PRELID2: variants seen among roughly 807,000 people sequenced by gnomAD.
The protein encoded by PRELID2 is PRELI domain-containing protein 2.
PRELID2 carries 25 observed loss-of-function variants against 28.4 expected under a neutral mutation model. That is an observed-to-expected ratio of 0.88 (90% CI 0.64 to 1.23). The LOEUF is 1.23. PRELID2 is among the 50% of genes most tolerant of loss of function. The pLI is 0.00. For missense variants in PRELID2, 201 were observed against 214.4 expected (o/e 0.94, Z 0.39); for synonymous variants, 76 against 71.6 (o/e 1.06, Z -0.31).
chr5:145,283,845 T>C, the PRELID2 span, among the ~76,000 whole-genome samples: 4 of 152,224 alleles, frequency 2.6e-5, no homozygotes, highest in Non-Finnish European at 5.9e-5. Flanking sequence ...AAATTAATTA[T>C]GTATGTTCAG....
intron 1 of PRELID2, among the ~76,000 whole-genome samples, chr5:145,534,079 T>G (rs992476809): frequency 1.3e-5 from 2 of 152,164 alleles, no homozygotes; most frequent in Non-Finnish European, 2.9e-5. Context: ...AAGTCTTTAT[T>G]GTAGTAAAAG....
chr5:145,624,070 A>G (rs1467998610), intron 1 of PRELID2, among the ~76,000 whole-genome samples: 1 of 152,150 alleles, frequency 6.6e-6, no homozygotes, highest in African/African-American at 2.4e-5. Flanking sequence ...TTTACTTATT[A>G]TTACCACTTT....
chr5:145,335,737 T>A, the PRELID2 span, among the ~76,000 whole-genome samples: 1 of 152,176 alleles, frequency 6.6e-6, no homozygotes, highest in Non-Finnish European at 1.5e-5. Flanking sequence ...AATGCCAAGT[T>A]AAGGAAGAAA....
the PRELID2 span, among the ~76,000 whole-genome samples, chr5:145,335,932 C>T: frequency 1.3e-5 from 2 of 152,176 alleles, no homozygotes; most frequent in Non-Finnish European, 2.9e-5. Flanking sequence ...TCTCCAGCAC[C>T]TGTTGTTTCC....
chr5:145,342,902 T>TAAAAAAAAAAAA, the PRELID2 span, among the ~76,000 whole-genome samples: 6 of 128,962 alleles, frequency 4.7e-5, no homozygotes, highest in African/African-American at 8.8e-5. Context: ...TCAAAAACAG[T>TAAAAAAAAAAAA]AAAAAAAAAA....
chr5:145,357,411 A>G, the PRELID2 span, among the ~76,000 whole-genome samples: 3 of 152,102 alleles, frequency 2.0e-5, no homozygotes, highest in Non-Finnish European at 2.9e-5. Context: ...ATAATCCCAT[A>G]TTTCTCAGAA....
the PRELID2 span, among the ~76,000 whole-genome samples, chr5:145,236,976 G>A: frequency 6.6e-6 from 1 of 152,178 alleles, no homozygotes. Flanking sequence ...CTGCGTTGAT[G>A]TTGGATTTGG....
chr5:145,715,673 T>A (rs1253716111), intron 1 of PRELID2, among the ~76,000 whole-genome samples: 1 of 152,174 alleles, frequency 6.6e-6, no homozygotes. Context: ...CTGGTTTCTG[T>A]ACTTCACACC....
intron 5 of PRELID2, among the ~76,000 whole-genome samples, chr5:145,771,446 G>T (rs1445195517): frequency 3.3e-5 from 5 of 152,010 alleles, no homozygotes; most frequent in Non-Finnish European, 7.4e-5. Context: ...TTGCAGGAAG[G>T]AAGGACTTGC....
chr5:145,460,074 G>T, the PRELID2 span, among the ~76,000 whole-genome samples: 1 of 152,128 alleles, frequency 6.6e-6, no homozygotes, highest in Non-Finnish European at 1.5e-5. Flanking sequence ...CTCCCAAAGT[G>T]CTGGGATTAC....
chr5:145,754,942 A>T (rs565493126), downstream of PRELID2, among the ~76,000 whole-genome samples: 2 of 152,298 alleles, frequency 1.3e-5, no homozygotes, highest in African/African-American at 4.8e-5. Flanking sequence ...TCTGACTGAA[A>T]AATTAATGTT....
chr5:145,244,515 G>A, the PRELID2 span, among the ~76,000 whole-genome samples: 5 of 152,092 alleles, frequency 3.3e-5, 1 homozygote, highest in African/African-American at 1.2e-4. Context: ...AGGAGGGAAA[G>A]GCTGTTATGA....
chr5:145,447,096 T>G, the PRELID2 span, among the ~76,000 whole-genome samples: 3 of 111,094 alleles, frequency 2.7e-5, no homozygotes, highest in South Asian at 2.4e-4. Context: ...AATTTAAAAA[T>G]AAAAAGAAAA....
chr5:145,382,163 C>T, the PRELID2 span, among the ~76,000 whole-genome samples: 1 of 151,532 alleles, frequency 6.6e-6, no homozygotes, highest in African/African-American at 2.4e-5. Flanking sequence ...AGACACAGCA[C>T]AGAAAGAATT....
At chr5:145,729,253 T>C (rs997921487) in intron 1 of PRELID2, 71 of 1,053,644 alleles carry the variant, frequency 6.7e-5, no homozygotes, top group Admixed American at 1.3e-4. Context: ...GCTGCAAAAA[T>C]TGCTAACATA....
chr5:145,601,869 A>T (rs1753403008), intron 1 of PRELID2, among the ~76,000 whole-genome samples: 1 of 152,162 alleles, frequency 6.6e-6, no homozygotes, highest in Non-Finnish European at 1.5e-5. Context: ...ACAAATAATG[A>T]TATTATTAGC....
the PRELID2 span, among the ~76,000 whole-genome samples, chr5:145,260,350 G>GA: frequency 3.3e-5 from 5 of 151,094 alleles, no homozygotes; most frequent in Non-Finnish European, 5.9e-5. Flanking sequence ...ACTAAAGACA[G>GA]AAAAAAAAAT....
chr5:145,822,105 A>T (rs1754870232), intron 2 of PRELID2, among the ~76,000 whole-genome samples: 1 of 152,202 alleles, frequency 6.6e-6, no homozygotes, highest in East Asian at 1.9e-4. Flanking sequence ...ACACACAATG[A>T]ACAGTAGCAT....
chr5:145,388,822 G>T, the PRELID2 span, among the ~76,000 whole-genome samples: 1 of 152,050 alleles, frequency 6.6e-6, no homozygotes, highest in African/African-American at 2.4e-5. Context: ...CCAATTTAAA[G>T]TAACATTTCT....
Sources: gnomAD v4.1 joint callset for allele counts (sites outside exome capture counted in the v4.1 genomes callset) on GRCh38, gnomAD v4.1.1 for gene constraint, MANE v1.5 for transcripts, NCBI Gene and HGNC (gene_info 2026-07-23, HGNC 2026-07-21) for gene names.